Variants in UNC79 observed in about 807,000 individuals in gnomAD.
UNC79 encodes the protein unc-79 subunit of NALCN channel complex, also known as protein unc-79 homolog.
In UNC79, 37 loss-of-function variants were observed where a neutral mutation model predicts 283.1. The ratio of observed to expected loss-of-function variants is 0.13; its 90% CI spans 0.10 to 0.17. The LOEUF is 0.17. UNC79 is among the 10% of genes least tolerant of loss of function. UNC79 has a pLI of 1.00. For synonymous variants in UNC79, 1,107 were observed against 1,200.2 expected, an observed-to-expected ratio of 0.92 and a Z score of 1.61; for missense variants, 2,272 against 3,211.1, an observed-to-expected ratio of 0.71 and a Z score of 7.07.
At chr14:93,376,942 T>C (rs1217302836) in intron 1 of UNC79, among the ~76,000 whole-genome samples, 9 of 149,694 alleles carry the variant, frequency 6.0e-5, no homozygotes, top group Admixed American at 3.3e-4. Context: ...CTCACCTATG[T>C]ACATATATGC....
At chr14:93,566,730 C>T (rs961268900) in intron 14 of UNC79, among the ~76,000 whole-genome samples, 6 of 151,390 alleles carry the variant, frequency 4.0e-5, no homozygotes, top group African/African-American at 7.3e-5. Context: ...CTCTGCCTCC[C>T]GGGTTCAAGC....
chr14:93,424,228 G>T (rs953122292), intron 1 of UNC79, among the ~76,000 whole-genome samples: 67 of 152,194 alleles, frequency 4.4e-4, no homozygotes, highest in African/African-American at 1.6e-3. Context: ...ATGCTGGAGA[G>T]GATGTGGAGA....
intron 20 of UNC79, among the ~76,000 whole-genome samples, chr14:93,586,092 T>C (rs1229259367): frequency 1.3e-5 from 2 of 152,070 alleles, no homozygotes. Flanking sequence ...ATGTTGGCCA[T>C]GCTGGTCTTG....
At chr14:93,468,698 G>A (rs1340627028) in intron 2 of UNC79, among the ~76,000 whole-genome samples, 1 of 152,192 alleles carries the variant, frequency 6.6e-6, no homozygotes, top group East Asian at 1.9e-4. Context: ...GCGGATGGAA[G>A]CTTCATGCGA....
intron 1 of UNC79, among the ~76,000 whole-genome samples, chr14:93,395,637 A>G (rs1185473287): frequency 6.6e-6 from 1 of 152,252 alleles, no homozygotes; most frequent in Admixed American, 6.5e-5. Context: ...GAGCCAAACC[A>G]TATCAATAGT....
At chr14:93,575,341 T>A in intron 17 of UNC79, 143 bp downstream of exon 17, 1 of 898,976 alleles carries the variant, frequency 1.1e-6, no homozygotes, top group Non-Finnish European at 1.7e-6. Flanking sequence ...TTAAGTGCAT[T>A]AAATAGTCAC....
chr14:93,520,296 GTAA>G (rs2060262987), intron 7 of UNC79, among the ~76,000 whole-genome samples: 1 of 151,844 alleles, frequency 6.6e-6, no homozygotes, highest in Non-Finnish European at 1.5e-5. Context: ...TCCCCTGTAA[GTAA>G]TGTGTCTTTT....
chr14:93,347,258 C>T (rs766597116), intron 1 of UNC79: 3 of 1,599,070 alleles, frequency 1.9e-6, no homozygotes, highest in African/African-American at 1.3e-5. Context: ...CTTTGTCTCA[C>T]CTGACGCGAT....
intron 1 of UNC79, among the ~76,000 whole-genome samples, chr14:93,421,871 T>C (rs1051628763): frequency 1.3e-5 from 2 of 151,570 alleles, no homozygotes; most frequent in Admixed American, 6.6e-5. Context: ...AAATCAATCA[T>C]GTGAGACATC....
At chr14:93,523,586 C>T (rs2060421604) in intron 7 of UNC79, among the ~76,000 whole-genome samples, 1 of 152,146 alleles carries the variant, frequency 6.6e-6, no homozygotes, top group African/African-American at 2.4e-5. Flanking sequence ...CATATACTAA[C>T]TCTGTGACCA....
chr14:93,381,018 T>A (rs1381886720), intron 1 of UNC79, among the ~76,000 whole-genome samples: 2 of 152,226 alleles, frequency 1.3e-5, no homozygotes, highest in Non-Finnish European at 2.9e-5. Context: ...GTGTCCCATA[T>A]GGAATTTTAT....
At chr14:93,502,506 A>T (rs1421092233) in intron 7 of UNC79, among the ~76,000 whole-genome samples, 3 of 152,232 alleles carry the variant, frequency 2.0e-5, no homozygotes, top group Non-Finnish European at 4.4e-5. Context: ...GTTTAAAAAA[A>T]ATGCAAAAAA....
At chr14:93,377,649 C>T (rs2054588662) in intron 1 of UNC79, among the ~76,000 whole-genome samples, 1 of 152,136 alleles carries the variant, frequency 6.6e-6, no homozygotes, top group Non-Finnish European at 1.5e-5. Context: ...ATTTTGAAAT[C>T]CTATAACGGA....
chr14:93,509,497 A>G (rs990621034), intron 7 of UNC79, among the ~76,000 whole-genome samples: 2 of 152,226 alleles, frequency 1.3e-5, no homozygotes, highest in African/African-American at 4.8e-5. Flanking sequence ...CTTACAGATT[A>G]TAATGGGGAT....
chr14:93,570,712 A>T (rs987400938), intron 14 of UNC79, among the ~76,000 whole-genome samples: 3 of 152,150 alleles, frequency 2.0e-5, no homozygotes, highest in Middle Eastern at 3.2e-3. Context: ...GGTAATTAGG[A>T]CATTTGCTTA....
chr14:93,467,811 C>G lies in UNC79; in HGVS notation c.143+20C>G, dbSNP rs1416604172. 3.4e-6 allele frequency: 5 copies of G among 1,484,658 alleles called. No homozygotes were observed. The South Asian group carries it at 6.9e-5, about 21-fold the overall frequency. 92.0% of individuals were successfully genotyped at this position (1,484,658 alleles called of 1,614,324 possible). On this transcript the variant is annotated intron_variant, in intron 2 of 48. Transcript: ENST00000555664. Reference sequence around the variant, plus strand: ...GTTAAGGTAAGCTTTACAATATCCTCTACTTTGAGAGAATTATTAGGTAGT... The same window carrying G: ...GTTAAGGTAAGCTTTACAATATCCTGTACTTTGAGAGAATTATTAGGTAGT...
At chr14:93,394,560 G>A (rs192381696) in intron 1 of UNC79, among the ~76,000 whole-genome samples, 16 of 151,734 alleles carry the variant, frequency 1.1e-4, no homozygotes, top group African/African-American at 3.4e-4. Context: ...ACAGGCACCC[G>A]CCACTGCACC....
At chr14:93,494,005 G>A (rs8014330) in intron 5 of UNC79, among the ~76,000 whole-genome samples, 2,584 of 147,694 alleles carry the variant, frequency 0.017, 35 homozygotes, top group South Asian at 0.072. Context: ...CCAGGTTCAA[G>A]CAATTCTCCT....
chr14:93,355,949 A>G (rs908242051), intron 1 of UNC79, among the ~76,000 whole-genome samples: 4 of 151,314 alleles, frequency 2.6e-5, no homozygotes, highest in African/African-American at 7.3e-5. Context: ...TAACCTGCCC[A>G]TCTCCTGTGT....
Sources: allele counts gnomAD v4.1 joint callset (sites outside exome capture counted in the v4.1 genomes callset), GRCh38; gene constraint gnomAD v4.1.1; transcripts MANE v1.5; gene names NCBI Gene and HGNC (gene_info 2026-07-23, HGNC 2026-07-21).